The following CHN2 variants were observed in gnomAD, a reference collection of about 807,000 sequenced individuals.
The protein encoded by CHN2 is chimerin 2.
A neutral mutation model predicts 56.3 loss-of-function variants in CHN2; 35 were observed. The ratio of observed to expected loss-of-function variants is 0.62; its 90% CI spans 0.47 to 0.82. The LOEUF (loss-of-function observed/expected upper bound fraction) is 0.82, where lower values mean the gene tolerates loss of function less well. Ranked by LOEUF, CHN2 falls within the 40% of genes least tolerant of loss-of-function variation. The pLI, the probability that CHN2 is intolerant of heterozygous loss-of-function variation, is 0.00. For synonymous variants in CHN2, 210 were observed against 212.8 expected, an observed-to-expected ratio of 0.99 and a Z score of 0.12; for missense variants, 491 against 580.5, an observed-to-expected ratio of 0.85 and a Z score of 1.58.
At chr7:29,194,475 T>TGTCC (rs1222448687), upstream of CHN2, 1 of 157,362 alleles carries the variant, frequency 6.4e-6, no homozygotes, top group Admixed American at 6.5e-5. Flanking sequence ...TCGCTCTGTC[T>TGTCC]GTCCGTCTCC....
rs533389585 is a variant in CHN2 at position 29,218,810 on chromosome 7, G to C, written c.49+23820G>C. 1.2e-3 allele frequency among the ~76,000 whole-genome samples: 146 copies of C among 126,354 alleles called. 5 individuals carry two copies. In the South Asian group the frequency reaches 0.039, roughly 34 times the overall value. The allele number at this position is 126,354 out of a possible 152,430, so 82.9% of individuals were successfully genotyped here. On this transcript the variant is annotated intron_variant, in intron 1 of 12. Coordinates refer to ENST00000222792, the MANE Select transcript of CHN2 (RefSeq NM_004067.4). ...ACACACCAGGGACTGTTGTGGGGTG[G>C]GGGGAGAGGAGAGGGATAGCATTAG... is the stretch of plus-strand genomic sequence containing the variant.
chr7:29,311,258 C>T (rs1585029864), intron 1 of CHN2, among the ~76,000 whole-genome samples: 1 of 152,308 alleles, frequency 6.6e-6, no homozygotes, highest in East Asian at 1.9e-4. Context: ...CTGTCACCGA[C>T]AACCTGGCAA....
chr7:29,282,762 C>A (rs532824214), intron 1 of CHN2, among the ~76,000 whole-genome samples: 19 of 151,960 alleles, frequency 1.3e-4, no homozygotes, highest in Non-Finnish European at 2.4e-4. Flanking sequence ...GCAGTTTATA[C>A]TAACAAAAAG....
chr7:29,499,346 T>C (rs1042217043), intron 8 of CHN2, among the ~76,000 whole-genome samples: 2 of 152,156 alleles, frequency 1.3e-5, no homozygotes, highest in Non-Finnish European at 2.9e-5. Flanking sequence ...TTGGAAACTA[T>C]GGGGCAACCT....
chr7:29,383,737 G>T (rs1316054522), intron 3 of CHN2, among the ~76,000 whole-genome samples: 1 of 152,174 alleles, frequency 6.6e-6, no homozygotes, highest in African/African-American at 2.4e-5. Flanking sequence ...TAAGGAGGGT[G>T]GTCTGGGAAG....
chr7:29,297,393 G>A (rs1323232790), intron 1 of CHN2, among the ~76,000 whole-genome samples: 1 of 151,228 alleles, frequency 6.6e-6, no homozygotes, highest in Admixed American at 6.6e-5. Flanking sequence ...TTAGCCTCCT[G>A]CTGACAGGGG....
intron 1 of CHN2, among the ~76,000 whole-genome samples, chr7:29,334,092 C>T (rs1796434634): frequency 7.0e-6 from 1 of 143,852 alleles, no homozygotes; most frequent in Admixed American, 7.2e-5. Flanking sequence ...CCCTCCATTG[C>T]CCAGGCTGGA....
intron 1 of CHN2, among the ~76,000 whole-genome samples, chr7:29,210,434 C>T (rs1384880751): frequency 6.8e-6 from 1 of 147,802 alleles, no homozygotes; most frequent in Non-Finnish European, 1.5e-5. Context: ...ACACCCCACA[C>T]ACACACCGTG....
At chr7:29,270,492 T>TA (rs869244337) in intron 1 of CHN2, among the ~76,000 whole-genome samples, 7,382 of 105,300 alleles carry the variant, frequency 0.07, 518 homozygotes, top group East Asian at 0.16. Context: ...CCATCTCTAC[T>TA]AAAAAAAAAA....
At chr7:29,444,306 A>C (rs1783880404) in intron 6 of CHN2, among the ~76,000 whole-genome samples, 1 of 152,242 alleles carries the variant, frequency 6.6e-6, no homozygotes, top group African/African-American at 2.4e-5. Flanking sequence ...AAATTACCCC[A>C]AAATGTAGTG....
chr7:29,464,999 A>C (rs1279104679), intron 6 of CHN2, among the ~76,000 whole-genome samples: 2 of 152,150 alleles, frequency 1.3e-5, no homozygotes, highest in African/African-American at 4.8e-5. Flanking sequence ...CTAAGCTACA[A>C]CCTAATCCTT....
intron 1 of CHN2, among the ~76,000 whole-genome samples, chr7:29,246,650 A>G (rs897811775): frequency 1.3e-5 from 2 of 152,218 alleles, no homozygotes; most frequent in Admixed American, 6.5e-5. Flanking sequence ...TCAGACTGCT[A>G]TAACAGAATA....
In CHN2 at chr7:29,378,108, C is replaced by A. The variant is rs80130511; in HGVS notation, c.144+10121C>A. Among the ~76,000 whole-genome samples the A allele has an allele frequency of 3.6e-3, 552 of 152,350 alleles. 9 individuals carry two copies. The East Asian group carries it at 0.054, about 15-fold the overall frequency. The stretch of plus-strand genomic sequence containing the variant: ...GTTCCATGGCTTCTCAAAGACCAGG[C>A]TTAATGATGTTTCATCAACACCTTT... On this transcript the variant is annotated intron_variant, in intron 3 of 12. Coordinates refer to ENST00000222792, the MANE Select transcript of CHN2 (RefSeq NM_004067.4).
At chr7:29,511,723 CCTAAACACATTTTAATTATATTTTG>C (rs912559661) in intron 12 of CHN2, among the ~76,000 whole-genome samples, 53 of 87,278 alleles carry the variant, frequency 6.1e-4, no homozygotes, top group Non-Finnish European at 1.4e-3. Flanking sequence ...ATTATATTTT[CCTAAACACATTTTAATTATATTTTG>C]CTCATTTTTG....
At chr7:29,263,361 G>A (rs1005897093) in intron 1 of CHN2, among the ~76,000 whole-genome samples, 1 of 152,194 alleles carries the variant, frequency 6.6e-6, no homozygotes, top group Non-Finnish European at 1.5e-5. Flanking sequence ...GTGCAGTGGC[G>A]TGATCTCGGA....
intron 1 of CHN2, among the ~76,000 whole-genome samples, chr7:29,273,326 C>CATATATATATATATATATATAT (rs139183819): frequency 1.3e-5 from 1 of 79,784 alleles, no homozygotes; most frequent in Non-Finnish European, 2.5e-5. Flanking sequence ...TTCCATCATG[C>CATATATATATATATATATATAT]ATATATATAT....
At chr7:29,275,186 G>T (rs923504918) in intron 1 of CHN2, among the ~76,000 whole-genome samples, 8 of 152,048 alleles carry the variant, frequency 5.3e-5, no homozygotes, top group Non-Finnish European at 1.0e-4. Flanking sequence ...GAATGAAAAG[G>T]TAGTATACGT....
rs542784177 is a variant in CHN2, at chr7:29,423,323, G to T, written c.576+22495G>T. On this transcript the variant is annotated intron_variant, in intron 6 of 12. Transcript: ENST00000222792. Reference sequence around the variant, plus strand: ...CCCCCAGCAGCTGGGCAGGCTGCAGGCAGACGCCCCCAGGTGAAGGAAGCT... The same window carrying T: ...CCCCCAGCAGCTGGGCAGGCTGCAGTCAGACGCCCCCAGGTGAAGGAAGCT... Among the ~76,000 whole-genome samples the T allele has an allele frequency of 2.0e-5, 3 of 152,338 alleles. No individual in the cohort carries two copies. The South Asian group carries it at 6.2e-4, about 32-fold the overall frequency.
intron 1 of CHN2, chr7:29,213,183 T>G (rs1785085369): frequency 7.3e-7 from 1 of 1,368,678 alleles, no homozygotes. Context: ...ATTCCTAAAC[T>G]ACTCCACGAA....
Sources: gnomAD v4.1 joint callset for allele counts (sites outside exome capture counted in the v4.1 genomes callset) on GRCh38, gnomAD v4.1.1 for gene constraint, MANE v1.5 for transcripts, NCBI Gene and HGNC (gene_info 2026-07-23, HGNC 2026-07-21) for gene names.